Variants in SH3BGRL observed in about 807,000 individuals in gnomAD.
SH3BGRL encodes adapter SH3BGRL.
A neutral mutation model predicts 9.8 loss-of-function variants in SH3BGRL; 7 were observed. The observed-to-expected ratio is 0.72, with a 90% confidence interval of 0.41 to 1.35. The LOEUF (loss-of-function observed/expected upper bound fraction) is 1.35. SH3BGRL is among the 40% of genes most tolerant of loss of function. SH3BGRL has a pLI of 0.01. For missense variants in SH3BGRL, 73 were observed against 84.4 expected (o/e 0.86, Z 0.53); for synonymous variants, 36 against 29.1 (o/e 1.24, Z -0.76).
chrX:81,227,708 T>C (rs2075621569), intron 1 of SH3BGRL, among the ~76,000 whole-genome samples: 1 of 112,299 alleles, frequency 8.9e-6, no homozygotes, highest in Non-Finnish European at 1.9e-5. Context: ...TACTTGCAAA[T>C]ACTGTTAAAA....
rs367886078 is a variant in SH3BGRL at position 81,278,317 on chromosome X, T to G, written c.232-14T>G. On this transcript the variant is annotated splice_polypyrimidine_tract_variant and intron_variant, in intron 2 of 3. Transcript: ENST00000373212. ...TTGCATATTGCTAATTCATCTTATC[T>G]TCTTTTCATCAAGGACTATGATGCC... 105 of 1,138,022 alleles carry G rather than the reference T, an allele frequency of 9.2e-5. No individual in the cohort carries two copies. In the Admixed American group the frequency reaches 9.7e-4, roughly 11 times the overall value. 93.8% of individuals were successfully genotyped at this position (1,138,022 alleles called of 1,213,427 possible).
chrX:81,202,258 G>C lies in SH3BGRL; in HGVS notation c.45+13G>C. ...TGGCTCTACAGCGGTAAGGAGAGTG[G>C]GGAGTCCACCTTTGTTGTTTTCCTA... On this transcript the variant is annotated intron_variant, in intron 1 of 3. Transcript: ENST00000373212. 1 of 1,196,615 alleles carries C rather than the reference G, an allele frequency of 8.4e-7. No individual in the cohort carries two copies. Among genetic ancestry groups the C allele is most frequent in the Non-Finnish European group, 1.1e-6 (1 of 884,879 alleles).
intron 1 of SH3BGRL, among the ~76,000 whole-genome samples, chrX:81,220,042 G>T (rs1388482591): frequency 1.8e-5 from 2 of 110,815 alleles, no homozygotes; most frequent in Non-Finnish European, 3.8e-5. Context: ...GAGTAGTTTT[G>T]CATCAATGTT....
intron 3 of SH3BGRL, among the ~76,000 whole-genome samples, chrX:81,287,944 AGAAG>A (rs760021526): frequency 2.8e-5 from 3 of 106,545 alleles, no homozygotes; most frequent in Middle Eastern, 4.7e-3. Context: ...AGAAAAAGAA[AGAAG>A]GAAGGAAGGA....
At chrX:81,220,897 C>G (rs770536459) in intron 1 of SH3BGRL, among the ~76,000 whole-genome samples, 14 of 110,875 alleles carry the variant, frequency 1.3e-4, no homozygotes, top group Non-Finnish European at 2.5e-4. Flanking sequence ...AGCATATTGT[C>G]TTATTTTCAT....
At chrX:81,238,993 G>C (rs962080448) in intron 1 of SH3BGRL, among the ~76,000 whole-genome samples, 1 of 111,979 alleles carries the variant, frequency 8.9e-6, no homozygotes, top group Non-Finnish European at 1.9e-5. Context: ...TTCTGAAGCA[G>C]CTGCAGCTTG....
intron 1 of SH3BGRL, among the ~76,000 whole-genome samples, chrX:81,270,729 C>T (rs1040907425): frequency 2.7e-5 from 3 of 112,047 alleles, no homozygotes; most frequent in Non-Finnish European, 3.8e-5. Context: ...GGAGCTCGAA[C>T]ACCATGTCGG....
At chrX:81,239,542 G>T (rs1012123847) in intron 1 of SH3BGRL, among the ~76,000 whole-genome samples, 8 of 111,484 alleles carry the variant, frequency 7.2e-5, no homozygotes, top group African/African-American at 2.3e-4. Context: ...TGGTGGAAAA[G>T]GGCAAATCTA....
At chrX:81,288,102 G>A (rs1479557477) in intron 3 of SH3BGRL, among the ~76,000 whole-genome samples, 2 of 111,417 alleles carry the variant, frequency 1.8e-5, no homozygotes, top group Non-Finnish European at 3.8e-5. Context: ...GACCAAGTGA[G>A]AATTTTTTCT....
chrX:81,235,113 T>C (rs938917722), intron 1 of SH3BGRL, among the ~76,000 whole-genome samples: 1 of 111,698 alleles, frequency 9.0e-6, no homozygotes, highest in Non-Finnish European at 1.9e-5. Flanking sequence ...CAGATTTATT[T>C]TGAGGATTTA....
chrX:81,277,299 T>G, intron 2 of SH3BGRL, 130 bp downstream of exon 2: 2 of 550,052 alleles, frequency 3.6e-6, no homozygotes, highest in Non-Finnish European at 5.8e-6. Flanking sequence ...GTCCTTTCCA[T>G]CCACTCAAAG....
chrX:81,284,969 G>T (rs979426327), intron 3 of SH3BGRL, among the ~76,000 whole-genome samples: 2 of 111,040 alleles, frequency 1.8e-5, no homozygotes, highest in Admixed American at 9.6e-5. Context: ...TGTTATGAAG[G>T]ATGGGCAAGA....
chrX:81,233,028 CATACAACTATATGAT>C (rs1241351707), intron 1 of SH3BGRL, among the ~76,000 whole-genome samples: 6 of 111,359 alleles, frequency 5.4e-5, no homozygotes, highest in African/African-American at 1.6e-4. Context: ...TGGAGGATAT[CATACAACTATATGAT>C]ATACAACTAT....
intron 1 of SH3BGRL, 54 bp from the exon 2 acceptor site, chrX:81,276,930 A>G: frequency 9.5e-7 from 1 of 1,051,865 alleles, no homozygotes; most frequent in Non-Finnish European, 1.3e-6. Flanking sequence ...CAGCTCACAA[A>G]CATTTGACTT....
intron 1 of SH3BGRL, among the ~76,000 whole-genome samples, chrX:81,207,195 G>C (rs751183687): frequency 8.9e-6 from 1 of 111,979 alleles, no homozygotes; most frequent in Admixed American, 9.5e-5. Context: ...GACCCATAAT[G>C]ATCTCCATTT....
chrX:81,203,878 CT>C (rs1396386446), intron 1 of SH3BGRL, among the ~76,000 whole-genome samples: 1,689 of 104,209 alleles, frequency 0.016, 13 homozygotes, highest in Admixed American at 0.021. Flanking sequence ...TATTGGACTC[CT>C]TTTTTTTTTT....
intron 3 of SH3BGRL, among the ~76,000 whole-genome samples, chrX:81,292,359 T>C (rs764955306): frequency 2.3e-3 from 256 of 111,501 alleles, no homozygotes; most frequent in Non-Finnish European, 3.9e-3. Flanking sequence ...GCCTGACACA[T>C]ATCTGGGGCC....
At chrX:81,249,578 C>A (rs749684422) in intron 1 of SH3BGRL, among the ~76,000 whole-genome samples, 1 of 112,113 alleles carries the variant, frequency 8.9e-6, no homozygotes, top group African/African-American at 3.2e-5. Flanking sequence ...TACAGAATAT[C>A]TTTTATGTCT....
At position 81,297,308 on chromosome X, in the gene SH3BGRL, A is replaced by G; in HGVS notation, c.*81A>G. 1 of 785,673 alleles carries G rather than the reference A, an allele frequency of 1.3e-6. No homozygotes were observed. The highest frequency in any genetic ancestry group is 2.8e-5 in the South Asian group (1 of 36,326). The allele number at this position is 785,673 out of a possible 1,213,427, so 64.7% of individuals were successfully genotyped here. A position where few individuals can be genotyped will look rare whatever the true frequency, so the allele number is the denominator to read the frequency against. On this transcript the variant is annotated 3_prime_UTR_variant, in exon 4 of 4. Coordinates refer to ENST00000373212, the MANE Select transcript of SH3BGRL (RefSeq NM_003022.3). ...AAATAGCAGAATTAGCTTTGCTTCA[A>G]AAGAAATAGGCTTAATGTTGAAATA...
Sources: allele counts gnomAD v4.1 joint callset (sites outside exome capture counted in the v4.1 genomes callset), GRCh38; gene constraint gnomAD v4.1.1; transcripts MANE v1.5; gene names NCBI Gene and HGNC (gene_info 2026-07-23, HGNC 2026-07-21).